Variants in PLD5 observed in about 807,000 individuals in gnomAD.
PLD5 encodes the protein inactive phospholipase D5.
In PLD5, 36 loss-of-function variants were observed where a neutral mutation model predicts 61.1. The ratio of observed to expected loss-of-function variants is 0.59; its 90% CI spans 0.45 to 0.78. The LOEUF (loss-of-function observed/expected upper bound fraction) is 0.78, where lower values mean the gene tolerates loss of function less well. Ranked by LOEUF, PLD5 falls within the 30% of genes least tolerant of loss-of-function variation. The probability of loss-of-function intolerance (pLI) is 0.00; values close to 1 mark genes in which losing one functional copy is unlikely to be tolerated. For synonymous variants in PLD5, 243 were observed against 242.8 expected, an observed-to-expected ratio of 1.00 and a Z score of -0.01; for missense variants, 515 against 644.4, an observed-to-expected ratio of 0.80 and a Z score of 2.17.
chr1:242,202,727 GTGCATTCA>G (rs1268478223), intron 5 of PLD5, among the ~76,000 whole-genome samples: 1 of 152,074 alleles, frequency 6.6e-6, no homozygotes, highest in African/African-American at 2.4e-5. Flanking sequence ...ACTCTACTTT[GTGCATTCA>G]TGCATTCATT....
chr1:242,359,046 C>A (rs1660919340), intron 1 of PLD5, among the ~76,000 whole-genome samples: 1 of 152,112 alleles, frequency 6.6e-6, no homozygotes, highest in African/African-American at 2.4e-5. Context: ...TGGGAGTGAC[C>A]AGCTTGACTT....
At chr1:242,425,011 A>G (rs2796073) in intron 1 of PLD5, among the ~76,000 whole-genome samples, 36,855 of 152,020 alleles carry the variant, frequency 0.24, 4,866 homozygotes, top group Admixed American at 0.3. Context: ...GCACGCCTGC[A>G]ATCCTAGCTA....
chr1:242,476,183 C>T (rs965740553), intron 1 of PLD5, among the ~76,000 whole-genome samples: 10 of 151,978 alleles, frequency 6.6e-5, no homozygotes, highest in Non-Finnish European at 1.2e-4. Context: ...GGTGAAACCC[C>T]GTCTCTACTA....
chr1:242,236,399 T>C (rs1173920576), intron 4 of PLD5, among the ~76,000 whole-genome samples: 3 of 152,200 alleles, frequency 2.0e-5, no homozygotes, highest in Non-Finnish European at 4.4e-5. Flanking sequence ...GAATTTTATG[T>C]CTATTTTCAC....
chr1:242,227,457 T>G (rs1246557849), intron 4 of PLD5, among the ~76,000 whole-genome samples: 1 of 152,140 alleles, frequency 6.6e-6, no homozygotes, highest in Non-Finnish European at 1.5e-5. Flanking sequence ...CTCTGCCTCA[T>G]GAGTTCAAGC....
At chr1:242,402,820 ATT>A (rs1664015010) in intron 1 of PLD5, among the ~76,000 whole-genome samples, 1 of 152,266 alleles carries the variant, frequency 6.6e-6, no homozygotes. Flanking sequence ...AGTGAATATA[ATT>A]CCTATGTATA....
intron 6 of PLD5, among the ~76,000 whole-genome samples, chr1:242,115,405 T>C (rs1005305243): frequency 6.6e-6 from 1 of 152,126 alleles, no homozygotes; most frequent in African/African-American, 2.4e-5. Flanking sequence ...CCACCCCCTC[T>C]TTCCCCAGCC....
At chr1:242,425,875 C>T (rs1665394782) in intron 1 of PLD5, among the ~76,000 whole-genome samples, 1 of 151,996 alleles carries the variant, frequency 6.6e-6, no homozygotes, top group African/African-American at 2.4e-5. Flanking sequence ...GATCTCCTGA[C>T]CTTGTGATCG....
At chr1:242,193,586 C>T (rs1041010224) in intron 5 of PLD5, among the ~76,000 whole-genome samples, 1 of 152,196 alleles carries the variant, frequency 6.6e-6, no homozygotes. Context: ...TTGTTCACTC[C>T]TTGTAGACCA....
At chr1:242,194,863 G>A (rs1668534992) in intron 5 of PLD5, among the ~76,000 whole-genome samples, 1 of 152,064 alleles carries the variant, frequency 6.6e-6, no homozygotes, top group South Asian at 2.1e-4. Context: ...AATAGAATTT[G>A]GGGACTCAGG....
chr1:242,141,927 T>C (rs1382962157), intron 5 of PLD5, among the ~76,000 whole-genome samples: 1 of 152,238 alleles, frequency 6.6e-6, no homozygotes, highest in East Asian at 1.9e-4. Context: ...ATTTGATCTT[T>C]CTTAGGTTCT....
chr1:242,367,489 A>C (rs1053732643), intron 1 of PLD5, among the ~76,000 whole-genome samples: 1 of 152,124 alleles, frequency 6.6e-6, no homozygotes, highest in African/African-American at 2.4e-5. Flanking sequence ...TTAACTCACA[A>C]ATACAAATGA....
intron 8 of PLD5, 128 bp downstream of exon 8, chr1:242,107,543 C>A: frequency 6.7e-6 from 6 of 888,998 alleles, no homozygotes; most frequent in Non-Finnish European, 9.9e-6. Context: ...AATTACTTAA[C>A]GTGCTTTTTG....
At chr1:242,321,243 C>T (rs1204010306) in intron 2 of PLD5, among the ~76,000 whole-genome samples, 1 of 151,596 alleles carries the variant, frequency 6.6e-6, no homozygotes, top group Non-Finnish European at 1.5e-5. Flanking sequence ...GAGTTTGACA[C>T]CTTTAAAGGT....
chr1:242,140,742 A>AT (rs112073263), intron 5 of PLD5, among the ~76,000 whole-genome samples: 2,409 of 149,984 alleles, frequency 0.016, 38 homozygotes, highest in East Asian at 0.057. Flanking sequence ...ACATCGTTAA[A>AT]TTTTTTTTTT....
At chr1:242,369,457 G>GA (rs529143670) in intron 1 of PLD5, among the ~76,000 whole-genome samples, 37 of 152,064 alleles carry the variant, frequency 2.4e-4, no homozygotes, top group East Asian at 2.1e-3. Flanking sequence ...CATTATTTGT[G>GA]AAAAAAATGG....
At chr1:242,210,432 G>A (rs1045890555) in intron 5 of PLD5, 5 of 155,454 alleles carry the variant, frequency 3.2e-5, no homozygotes, top group Admixed American at 6.5e-5. Context: ...GTCCTGCCCC[G>A]CCTTAACTGA....
At chr1:242,244,821 C>T (rs551927985) in intron 4 of PLD5, among the ~76,000 whole-genome samples, 2 of 152,320 alleles carry the variant, frequency 1.3e-5, no homozygotes, top group African/African-American at 4.8e-5. Flanking sequence ...ACAAAGCTAT[C>T]TTTTTCTAAG....
intron 5 of PLD5, among the ~76,000 whole-genome samples, chr1:242,150,105 T>C (rs1410802962): frequency 6.6e-6 from 1 of 151,684 alleles, no homozygotes; most frequent in African/African-American, 2.4e-5. Context: ...ATATGGGATA[T>C]TGTCCAGATT....
Sources: allele counts gnomAD v4.1 joint callset (sites outside exome capture counted in the v4.1 genomes callset), GRCh38; gene constraint gnomAD v4.1.1; transcripts MANE v1.5; gene names NCBI Gene and HGNC (gene_info 2026-07-23, HGNC 2026-07-21).